PITPNA: variants seen among roughly 807,000 people sequenced by gnomAD.
PITPNA encodes the protein phosphatidylinositol transfer protein alpha.
PITPNA carries 13 observed loss-of-function variants against 50.3 expected under a neutral mutation model. That is an observed-to-expected ratio of 0.26 (90% confidence interval 0.17 to 0.41). PITPNA has a LOEUF of 0.41. PITPNA is among the 10% of genes least tolerant of loss of function. The pLI, the probability that PITPNA is intolerant of heterozygous loss-of-function variation, is 1.00. For missense variants in PITPNA, 207 were observed against 333.4 expected (o/e 0.62, Z 2.95); for synonymous variants, 120 against 119.6 (o/e 1.00, Z -0.02).
In PITPNA at chr17:1,538,859, C is replaced by T. The variant is rs554478694; in HGVS notation, c.456+10G>A. 3.2e-5 allele frequency: 51 copies of T among 1,597,892 alleles called. No homozygotes were observed. The highest frequency in any genetic ancestry group is 3.3e-4 in the Middle Eastern group (2 of 6,016). ...CTCGAAGGCCACCCACGTCTTTAAA[C>T]GGATCCTACCTTGCTGAGCACTTGG... On this transcript the variant is annotated intron_variant, in intron 7 of 11. Coordinates refer to ENST00000313486, the MANE Select transcript of PITPNA (RefSeq NM_006224.4).
At chr17:1,556,222 G>A (rs1407864875) in intron 2 of PITPNA, among the ~76,000 whole-genome samples, 1 of 152,138 alleles carries the variant, frequency 6.6e-6, no homozygotes, top group African/African-American at 2.4e-5. Flanking sequence ...ACCCTACCCA[G>A]GCCACGTGGT....
intron 10 of PITPNA, among the ~76,000 whole-genome samples, chr17:1,522,999 G>A (rs924082664): frequency 7.2e-5 from 11 of 152,148 alleles, no homozygotes; most frequent in African/African-American, 2.7e-4. Flanking sequence ...GTTTAAAGGT[G>A]GGCACAATGT....
At chr17:1,521,675 G>A (rs2075513641) in intron 10 of PITPNA, 30 bp from the exon 11 acceptor site, 2 of 1,591,972 alleles carry the variant, frequency 1.3e-6, no homozygotes, top group Non-Finnish European at 1.7e-6. Flanking sequence ...ACAAATGGAA[G>A]GCTCCTGCTG....
At position 1,554,116 on chromosome 17, in the gene PITPNA, C is replaced by T. The variant is rs934512876; in HGVS notation, c.52-967G>A. ...AGGCAGTGCCCAGACTTAGCCCTTC[C>T]GCCTTCTTCTCTGAGAAGCTGTCCA... On this transcript the variant is annotated intron_variant, in intron 2 of 11. Transcript: ENST00000313486. 1.5e-4 allele frequency among the ~76,000 whole-genome samples: 23 copies of T among 152,180 alleles called. No individual in the cohort carries two copies. The East Asian group carries it at 3.8e-3, about 25-fold the overall frequency.
chr17:1,556,741 G>T (rs977715482), intron 2 of PITPNA, among the ~76,000 whole-genome samples: 4 of 152,150 alleles, frequency 2.6e-5, no homozygotes, highest in Non-Finnish European at 4.4e-5. Context: ...GAGTTTGAGG[G>T]CAAGGGACGC....
rs61238602 is a variant in PITPNA at position 1,554,390 on chromosome 17, ATTTTTTTTTT to A, written c.52-1251_52-1242del. Among the ~76,000 whole-genome samples the A allele has an allele frequency of 8.1e-3, 535 of 66,114 alleles. 2 individuals carry two copies. Among genetic ancestry groups the A allele is most frequent in the Non-Finnish European group, 0.013 (462 of 34,742 alleles). 43.4% of individuals were successfully genotyped at this position (66,114 alleles called of 152,430 possible). A position where few individuals can be genotyped will look rare whatever the true frequency, so the allele number is the denominator to read the frequency against. ...GGGGGGAAGACAAGGGTGTTTCTCT[ATTTTTTTTTT>A]TTTTTTTTTTTTTTTTTAGACAGAG... is the stretch of plus-strand genomic sequence containing the variant. On this transcript the variant is annotated intron_variant, in intron 2 of 11. Transcript: ENST00000313486.
At chr17:1,523,598 C>T (rs1317719033) in intron 10 of PITPNA, among the ~76,000 whole-genome samples, 2 of 150,060 alleles carry the variant, frequency 1.3e-5, no homozygotes, top group Non-Finnish European at 3.0e-5. Flanking sequence ...ATCTCTGCCT[C>T]CCGGGTTCAA....
chr17:1,544,924 C>T (rs1272277694), intron 4 of PITPNA, among the ~76,000 whole-genome samples: 1 of 152,100 alleles, frequency 6.6e-6, no homozygotes, highest in East Asian at 1.9e-4. Flanking sequence ...ACCTAGCAGG[C>T]GGAGGTTGCA....
chr17:1,548,394 CG>C lies in PITPNA; in HGVS notation c.198-8del. 6.3e-7 allele frequency: 1 copy of C among 1,577,600 alleles called. No individual in the cohort carries two copies. ...AACAAACGTGGGTACTTTGCTATAG[CG>C]GGGAAAAAAAGGGGTATAAAGAGAA... On this transcript the variant is annotated splice_polypyrimidine_tract_variant and splice_region_variant and intron_variant, in intron 3 of 11. Coordinates refer to ENST00000313486, the MANE Select transcript of PITPNA (RefSeq NM_006224.4).
intron 10 of PITPNA, among the ~76,000 whole-genome samples, chr17:1,532,144 A>G (rs965286549): frequency 6.6e-6 from 1 of 151,996 alleles, no homozygotes. Context: ...CTGGAGTGCA[A>G]TGGCATGATC....
intron 9 of PITPNA, 36 bp downstream of exon 9, chr17:1,535,146 C>G (rs143180084): frequency 7.8e-7 from 1 of 1,284,226 alleles, no homozygotes; most frequent in Admixed American, 1.7e-5. Flanking sequence ...AACACACACA[C>G]GCAGTCACTG....
chr17:1,532,094 C>A (rs190967346), intron 10 of PITPNA, among the ~76,000 whole-genome samples: 1 of 151,500 alleles, frequency 6.6e-6, no homozygotes, highest in Non-Finnish European at 1.5e-5. Context: ...TTTTCTTTTT[C>A]TTTTTTTCCT....
At chr17:1,529,626 G>A (rs553819296) in intron 10 of PITPNA, among the ~76,000 whole-genome samples, 1 of 151,696 alleles carries the variant, frequency 6.6e-6, no homozygotes, top group African/African-American at 2.4e-5. Context: ...AGGCTGAGGC[G>A]GGTGGGTCAC....
chr17:1,539,568 T>A (rs1289391432), intron 6 of PITPNA, among the ~76,000 whole-genome samples: 1 of 147,562 alleles, frequency 6.8e-6, no homozygotes, highest in East Asian at 2.0e-4. Context: ...TCCTCCCGTC[T>A]CAGCCTCCTG....
intron 2 of PITPNA, among the ~76,000 whole-genome samples, chr17:1,553,569 G>T (rs904319483): frequency 6.6e-6 from 1 of 152,082 alleles, no homozygotes; most frequent in Admixed American, 6.6e-5. Flanking sequence ...AGAGGCAGGT[G>T]AGTCTACTTA....
In PITPNA at chr17:1,538,607, A is replaced by C. The variant is rs967568370; in HGVS notation, c.456+262T>G. On this transcript the variant is annotated intron_variant, in intron 7 of 11. Transcript: ENST00000313486. The stretch of plus-strand genomic sequence containing the variant: ...GCTAAGCATCATTTTAGCAGGGCAA[A>C]ATACTCTAGCTACAATACCTACTTA... 1.6e-5 allele frequency: 5 copies of C among 320,504 alleles called. No individual in the cohort carries two copies. The East Asian group carries it at 1.6e-4, about 11-fold the overall frequency. 19.9% of individuals were successfully genotyped at this position (320,504 alleles called of 1,614,324 possible). A position where few individuals can be genotyped will look rare whatever the true frequency, so the allele number is the denominator to read the frequency against.
At chr17:1,533,524 A>G (rs17821240) in intron 10 of PITPNA, among the ~76,000 whole-genome samples, 15,988 of 152,192 alleles carry the variant, frequency 0.11, 949 homozygotes, top group East Asian at 0.14. Context: ...GGGCCTCTCA[A>G]GGAAGCATCA....
chr17:1,540,084 G>A (rs1384932569), intron 6 of PITPNA, among the ~76,000 whole-genome samples: 1 of 152,186 alleles, frequency 6.6e-6, no homozygotes, highest in Non-Finnish European at 1.5e-5. Context: ...AGGTCAAAAC[G>A]CCTTCCGGAT....
rs188048894 is a variant in PITPNA at position 1,518,380 on chromosome 17, A to C, written c.*2181T>G. The C allele has an allele frequency of 1.3e-5, 2 of 152,778 alleles. No individual in the cohort carries two copies. Among genetic ancestry groups the C allele is most frequent in the African/African-American group, 4.8e-5 (2 of 41,572 alleles). The allele number at this position is 152,778 out of a possible 1,614,324, so 9.5% of individuals were successfully genotyped here. On this transcript the variant is annotated 3_prime_UTR_variant, in exon 12 of 12. Coordinates refer to ENST00000313486, the MANE Select transcript of PITPNA (RefSeq NM_006224.4). The stretch of plus-strand genomic sequence containing the variant: ...CTACCCCTGGAGCTGAACCTTTATC[A>C]TAAGTCCCTCTGAGTGCTAGTCAGT...
Sources: allele counts gnomAD v4.1 joint callset (sites outside exome capture counted in the v4.1 genomes callset), GRCh38; gene constraint gnomAD v4.1.1; transcripts MANE v1.5; gene names NCBI Gene and HGNC (gene_info 2026-07-23, HGNC 2026-07-21).